Variants in TPM1 observed in about 807,000 individuals in gnomAD.
The protein encoded by TPM1 is tropomyosin 1.
Under a neutral mutation model 42.9 loss-of-function variants are expected in TPM1, and 24 were observed. The ratio of observed to expected loss-of-function variants is 0.56; its 90% CI spans 0.41 to 0.79. TPM1 has a LOEUF of 0.79. Among genes scored for constraint, TPM1 ranks in the 30% least tolerant of loss-of-function variants. The pLI is 0.00. For missense variants in TPM1, 158 were observed against 351.8 expected, an observed-to-expected ratio of 0.45 and a Z score of 4.41; for synonymous variants, 136 against 130.1, an observed-to-expected ratio of 1.05 and a Z score of -0.31.
At chr15:63,043,122 C>T (rs1160046554) in intron 1 of TPM1, 179 bp downstream of exon 1, 2 of 620,674 alleles carry the variant, frequency 3.2e-6, no homozygotes, top group Admixed American at 2.7e-5. Flanking sequence ...CAGGCTTAGT[C>T]TAACTTAGTC....
chr15:63,060,779 C>G (rs767813091), intron 4 of TPM1, 90 bp from the exon 5 acceptor site: 1 of 1,401,402 alleles, frequency 7.1e-7, no homozygotes, highest in Non-Finnish European at 1.0e-6. Flanking sequence ...ACCCTTAGGG[C>G]CTGATGGGAT....
chr15:63,052,333 G>C (rs2034048858), intron 2 of TPM1, among the ~76,000 whole-genome samples: 1 of 152,134 alleles, frequency 6.6e-6, no homozygotes, highest in South Asian at 2.1e-4. Flanking sequence ...GACTAGCCTA[G>C]CCAACATGGC....
intron 2 of TPM1, among the ~76,000 whole-genome samples, chr15:63,054,216 C>T (rs141331112): frequency 6.6e-6 from 1 of 152,120 alleles, no homozygotes; most frequent in Admixed American, 6.5e-5. Context: ...CATGCCCAGT[C>T]GTTGCTGGGG....
chr15:63,060,948 G>A lies in TPM1; in HGVS notation c.563+9G>A, dbSNP rs1472129995. On this transcript the variant is annotated intron_variant, in intron 5 of 9. Coordinates refer to ENST00000403994, the MANE Select transcript of TPM1 (RefSeq NM_001018005.2). ...GCTGAGCTCTCAGAAGGGTAAGCGG[G>A]CCCGGCGCCAGGAGGCCACGAATGG... 1 of 1,613,816 alleles carries A rather than the reference G, an allele frequency of 6.2e-7. No individual in the cohort carries two copies. Among genetic ancestry groups the A allele is most frequent in the Non-Finnish European group, 8.5e-7 (1 of 1,180,036 alleles).
intron 3 of TPM1, among the ~76,000 whole-genome samples, chr15:63,058,735 T>C (rs543518001): frequency 1.3e-5 from 2 of 152,276 alleles, no homozygotes; most frequent in Admixed American, 1.3e-4. Context: ...AAAATAGTGG[T>C]TCACTTATAC....
At chr15:63,061,667 C>CT (rs1257833957) in intron 5 of TPM1, 46 bp from the exon 6 acceptor site, 3 of 1,576,844 alleles carry the variant, frequency 1.9e-6, no homozygotes, top group Non-Finnish European at 2.6e-6. Context: ...CTCCTCCTTC[C>CT]TTTGGCTTGT....
In TPM1 at chr15:63,065,895, G is replaced by T. The variant is rs111891697; in HGVS notation, c.852-1G>T. Reference sequence around the variant, plus strand: ...CCTCCCACCTTTTTATCTTCACGCAGATAAGTTTCTTTGCTTCACTTCTCC... The same window carrying T: ...CCTCCCACCTTTTTATCTTCACGCATATAAGTTTCTTTGCTTCACTTCTCC... On this transcript the variant is annotated splice_acceptor_variant, in intron 9 of 9. Coordinates refer to ENST00000403994, the MANE Select transcript of TPM1 (RefSeq NM_001018005.2). LOFTEE classifies it high-confidence loss of function. 1 of 1,604,894 alleles carries T rather than the reference G, an allele frequency of 6.2e-7. No individual in the cohort carries two copies.
At chr15:63,044,262 C>T in intron 2 of TPM1, 110 bp downstream of exon 2, 1 of 1,519,886 alleles carries the variant, frequency 6.6e-7, no homozygotes, top group Non-Finnish European at 9.0e-7. Flanking sequence ...TGCTGGACAC[C>T]TGCACACAGC....
At chr15:63,052,965 C>CCA (rs1394247533) in intron 2 of TPM1, among the ~76,000 whole-genome samples, 10 of 152,156 alleles carry the variant, frequency 6.6e-5, no homozygotes, top group Non-Finnish European at 1.3e-4. Flanking sequence ...ATAATAGGGC[C>CCA]TGCAGAGCCT....
chr15:63,059,979 T>C (rs899942975), intron 4 of TPM1: 17 of 351,262 alleles, frequency 4.8e-5, no homozygotes, highest in African/African-American at 3.4e-4. Flanking sequence ...AGTTGGGCCC[T>C]GTGTCTTGTG....
chr15:63,050,420 G>A (rs1021436513), intron 2 of TPM1, among the ~76,000 whole-genome samples: 1 of 152,236 alleles, frequency 6.6e-6, no homozygotes, highest in East Asian at 1.9e-4. Context: ...GAGTATGTGT[G>A]ACCCTATGCA....
intron 9 of TPM1, chr15:63,064,833 G>A (rs2036096450): frequency 2.0e-6 from 1 of 499,616 alleles, no homozygotes. Context: ...CGGGCGTGGT[G>A]GTGGATGCCT....
chr15:63,052,858 T>TA (rs2034157657), intron 2 of TPM1, among the ~76,000 whole-genome samples: 1 of 151,692 alleles, frequency 6.6e-6, no homozygotes, highest in Non-Finnish European at 1.5e-5. Context: ...GAATAAAAAG[T>TA]AAAAATAAGA....
At chr15:63,064,352 C>G in intron 9 of TPM1, 1 of 1,433,634 alleles carries the variant, frequency 7.0e-7, no homozygotes, top group Non-Finnish European at 9.1e-7. Flanking sequence ...ATTTTCTTTT[C>G]AGAATCCGTT....
At position 63,042,946 on chromosome 15, in the gene TPM1, C is replaced by T. The variant is rs112677344; in HGVS notation, c.114+3C>T. ...CGGCGGAAGACAGGAGCAAGCAGGTCTGCGCCTCCCCGGCCCTGCGCCCGC... is the reference window on the plus strand; with the variant it reads ...CGGCGGAAGACAGGAGCAAGCAGGTTTGCGCCTCCCCGGCCCTGCGCCCGC... On this transcript the variant is annotated splice_donor_region_variant and intron_variant, in intron 1 of 9. Coordinates refer to ENST00000403994, the MANE Select transcript of TPM1 (RefSeq NM_001018005.2). 1.2e-5 allele frequency: 19 copies of T among 1,590,928 alleles called. No individual in the cohort carries two copies. Among genetic ancestry groups the T allele is most frequent in the Non-Finnish European group, 1.5e-5 (17 of 1,168,630 alleles).
At chr15:63,047,416 TA>T (rs1364458307) in intron 2 of TPM1, 2 of 152,264 alleles carry the variant, frequency 1.3e-5, no homozygotes, top group African/African-American at 4.8e-5. Context: ...CATTTAAGAA[TA>T]CAGCTCAAGG....
chr15:63,070,290 G>GTA (rs1555411993), downstream of TPM1: 12,940 of 489,038 alleles, frequency 0.026, 602 homozygotes, highest in African/African-American at 0.18. Context: ...CTTTAAGTAT[G>GTA]TATATATATA....
At chr15:63,057,848 AG>A (rs1242983665) in intron 3 of TPM1, among the ~76,000 whole-genome samples, 1 of 152,228 alleles carries the variant, frequency 6.6e-6, no homozygotes, top group Non-Finnish European at 1.5e-5. Context: ...ATTGCATAGA[AG>A]TACTTCAAGA....
At chr15:63,051,082 A>C (rs1372032001) in intron 2 of TPM1, among the ~76,000 whole-genome samples, 1 of 152,210 alleles carries the variant, frequency 6.6e-6, no homozygotes, top group Non-Finnish European at 1.5e-5. Context: ...GATTGATTCC[A>C]GATCTTGTGA....
Sources: gnomAD v4.1 joint callset for allele counts (sites outside exome capture counted in the v4.1 genomes callset) on GRCh38, gnomAD v4.1.1 for gene constraint, MANE v1.5 for transcripts, NCBI Gene and HGNC (gene_info 2026-07-23, HGNC 2026-07-21) for gene names.